ME3: variants seen among roughly 807,000 people sequenced by gnomAD.
ME3 encodes the protein malic enzyme 3.
A neutral mutation model predicts 68.9 loss-of-function variants in ME3; 48 were observed. That is an observed-to-expected ratio of 0.70 (90% CI 0.55 to 0.89). ME3 has a LOEUF of 0.89. Ranked by LOEUF, ME3 falls within the 40% of genes least tolerant of loss-of-function variation. The pLI, the probability that ME3 is intolerant of heterozygous loss-of-function variation, is 0.00. For missense variants in ME3, 675 were observed against 797.4 expected, an observed-to-expected ratio of 0.85 and a Z score of 1.85; for synonymous variants, 320 against 318.8, an observed-to-expected ratio of 1.00 and a Z score of -0.04.
intron 2 of ME3, among the ~76,000 whole-genome samples, chr11:86,586,319 T>G (rs1381969388): frequency 6.6e-6 from 1 of 151,946 alleles, no homozygotes; most frequent in Non-Finnish European, 1.5e-5. Context: ...AAATGTGAAG[T>G]GGAGAACTGA....
chr11:86,532,464 G>C (rs897110850), intron 4 of ME3, among the ~76,000 whole-genome samples: 2 of 152,098 alleles, frequency 1.3e-5, no homozygotes, highest in Non-Finnish European at 2.9e-5. Flanking sequence ...TCATATGTTA[G>C]GCCATAAAAC....
chr11:86,547,115 G>A (rs1451022426), intron 4 of ME3, among the ~76,000 whole-genome samples: 1 of 151,772 alleles, frequency 6.6e-6, no homozygotes, highest in East Asian at 1.9e-4. Flanking sequence ...GTGGGTGCCT[G>A]TAGTCCCAGC....
intron 2 of ME3, among the ~76,000 whole-genome samples, chr11:86,590,245 T>C (rs996130202): frequency 2.0e-5 from 3 of 152,138 alleles, no homozygotes; most frequent in Non-Finnish European, 4.4e-5. Flanking sequence ...GTTGCACCTA[T>C]CTACTCAGCA....
chr11:86,556,334 A>G (rs1347612616), intron 4 of ME3, among the ~76,000 whole-genome samples: 1 of 152,204 alleles, frequency 6.6e-6, no homozygotes, highest in Non-Finnish European at 1.5e-5. Flanking sequence ...TTGGAGGTGA[A>G]GAAGAGTCAA....
At chr11:86,504,899 C>A (rs928605875) in intron 5 of ME3, among the ~76,000 whole-genome samples, 1 of 152,060 alleles carries the variant, frequency 6.6e-6, no homozygotes, top group East Asian at 1.9e-4. Context: ...CCATGTTGGC[C>A]AGGCTGTGCT....
intron 4 of ME3, among the ~76,000 whole-genome samples, chr11:86,512,244 C>T (rs1197249513): frequency 2.6e-5 from 4 of 152,238 alleles, no homozygotes; most frequent in African/African-American, 9.6e-5. Context: ...TTAATTCATA[C>T]TCATGCTCTT....
At chr11:86,459,477 T>C (rs573864488) in intron 8 of ME3, among the ~76,000 whole-genome samples, 2 of 152,304 alleles carry the variant, frequency 1.3e-5, no homozygotes, top group African/African-American at 4.8e-5. Flanking sequence ...TCCCTACCTA[T>C]ACATCACTTC....
At chr11:86,477,811 G>C (rs538178136) in intron 7 of ME3, among the ~76,000 whole-genome samples, 2 of 152,286 alleles carry the variant, frequency 1.3e-5, no homozygotes, top group East Asian at 3.9e-4. Context: ...GTCCTAGAGA[G>C]TTGGGTGCTA....
chr11:86,474,359 T>G (rs769713109), intron 7 of ME3, among the ~76,000 whole-genome samples: 2 of 152,214 alleles, frequency 1.3e-5, no homozygotes, highest in African/African-American at 2.4e-5. Context: ...CAGCTTGGCT[T>G]TCCTCCTGAT....
intron 8 of ME3, among the ~76,000 whole-genome samples, chr11:86,462,389 C>A (rs140938625): frequency 3.9e-5 from 6 of 152,280 alleles, no homozygotes; most frequent in African/African-American, 1.4e-4. Context: ...GGCTTCTGGT[C>A]AACAGTAGGC....
At chr11:86,483,029 G>GAAC (rs1426016581) in intron 7 of ME3, among the ~76,000 whole-genome samples, 1 of 152,240 alleles carries the variant, frequency 6.6e-6, no homozygotes, top group Non-Finnish European at 1.5e-5. Context: ...AGAGGCAAGT[G>GAAC]AACAGTCTTG....
rs556420683 is a variant in ME3, at chr11:86,491,785, G to C, written c.706-4345C>G. On this transcript the variant is annotated intron_variant, in intron 6 of 14. Coordinates refer to ENST00000543262, the Ensembl canonical transcript of ME3. ...AAATACAGGATGCCCAGTTAAATTT[G>C]AATTTCAGATAGGCAATAATTAAAA... Among the ~76,000 whole-genome samples, 14 of 152,282 alleles carry C rather than the reference G, an allele frequency of 9.2e-5. No individual in the cohort carries two copies. In the South Asian group the frequency reaches 2.7e-3, roughly 29 times the overall value.
chr11:86,634,901 C>A (rs914941659), intron 2 of ME3, among the ~76,000 whole-genome samples: 2 of 150,770 alleles, frequency 1.3e-5, no homozygotes, highest in Admixed American at 6.6e-5. Flanking sequence ...GACTTGTAAT[C>A]GTGAGAATAA....
exon 5 of ME3, chr11:86,508,826 G>T (rs774737571): frequency 7.4e-6 from 12 of 1,613,632 alleles, no homozygotes; most frequent in African/African-American, 1.3e-5. Context: ...ATTCAGCATT[G>T]TTGCAAGATG....
At chr11:86,556,025 A>T (rs956612941) in intron 4 of ME3, among the ~76,000 whole-genome samples, 2 of 152,104 alleles carry the variant, frequency 1.3e-5, no homozygotes, top group African/African-American at 4.8e-5. Flanking sequence ...GCTTTAGAAA[A>T]CTCCTCAAAA....
At chr11:86,439,704 T>A (rs1948922345), downstream of ME3, among the ~76,000 whole-genome samples, 1 of 152,250 alleles carries the variant, frequency 6.6e-6, no homozygotes, top group Admixed American at 6.5e-5. Context: ...TCTTGGTTAG[T>A]ATAGCTAAAG....
exon 8 of ME3, chr11:86,465,189 T>C (rs1182111027): frequency 1.2e-6 from 2 of 1,612,936 alleles, no homozygotes; most frequent in East Asian, 4.5e-5. Context: ...GATGAGGCAA[T>C]TTATTCCAAA....
chr11:86,440,303 C>T (rs1948932767), downstream of ME3, among the ~76,000 whole-genome samples: 1 of 152,212 alleles, frequency 6.6e-6, no homozygotes, highest in African/African-American at 2.4e-5. Flanking sequence ...GCCCCCACCC[C>T]TATGATATGG....
At chr11:86,581,386 C>T (rs1168727271) in intron 2 of ME3, among the ~76,000 whole-genome samples, 1 of 152,176 alleles carries the variant, frequency 6.6e-6, no homozygotes, top group Non-Finnish European at 1.5e-5. Context: ...GTTTGAATGT[C>T]AACTCTGACC....
Sources: allele counts gnomAD v4.1 joint callset (sites outside exome capture counted in the v4.1 genomes callset), GRCh38; gene constraint gnomAD v4.1.1; transcripts MANE v1.5; gene names NCBI Gene and HGNC (gene_info 2026-07-23, HGNC 2026-07-21).